ARHGAP44: variants seen among roughly 807,000 people sequenced by gnomAD.
The protein encoded by ARHGAP44 is Rho GTPase activating protein 44.
ARHGAP44 carries 43 observed loss-of-function variants against 106.8 expected under a neutral mutation model. The observed-to-expected ratio is 0.40, with a 90% CI of 0.32 to 0.52. The LOEUF is 0.52. ARHGAP44 is among the 20% of genes least tolerant of loss of function. The pLI, the probability that ARHGAP44 is intolerant of heterozygous loss-of-function variation, is 0.48. For missense variants in ARHGAP44, 866 were observed against 1,050.5 expected, an observed-to-expected ratio of 0.82 and a Z score of 2.43; for synonymous variants, 439 against 410.3, an observed-to-expected ratio of 1.07 and a Z score of -0.85.
chr17:12,922,539 G>A (rs2038113991), intron 6 of ARHGAP44, among the ~76,000 whole-genome samples: 1 of 152,162 alleles, frequency 6.6e-6, no homozygotes, highest in African/African-American at 2.4e-5. Context: ...CTGGGGCTTA[G>A]CTCTGAAGTC....
chr17:12,984,877 T>G lies in ARHGAP44; in HGVS notation c.2286T>G (p.Asp762Glu), dbSNP rs758770603. 1.9e-6 allele frequency: 3 copies of G among 1,613,258 alleles called. No homozygotes were observed. Among genetic ancestry groups the G allele is most frequent in the Non-Finnish European group, 1.7e-6 (2 of 1,179,446 alleles). The change falls in exon 20 of 21, where the codon GAT (aspartate) becomes GAG (glutamate). Residue 762 changes from aspartate to glutamate, a missense_variant. By Grantham distance (45) the Asp-to-Glu change is conservative. Around this residue, in one of 2 missense-constraint regions of ARHGAP44, gnomAD observed 418 missense variants for 403.6 expected, o/e 1.04. Coordinates refer to ENST00000379672, the MANE Select transcript of ARHGAP44 (RefSeq NM_014859.6). ...SPQSTEAPML[D>E]GMSPGESMST... ...AGTCCACGGAGGCCCCCATGCTAGA[T>G]GGCATGTCCCCTGGGGAAAGCATGT...
At chr17:12,974,767 G>C (rs2039632901) in intron 18 of ARHGAP44, among the ~76,000 whole-genome samples, 1 of 152,046 alleles carries the variant, frequency 6.6e-6, no homozygotes, top group Admixed American at 6.6e-5. Flanking sequence ...ATTAGGCACA[G>C]TAGGACATAA....
At chr17:12,957,140 T>C (rs924335668) in intron 15 of ARHGAP44, among the ~76,000 whole-genome samples, 4 of 152,108 alleles carry the variant, frequency 2.6e-5, no homozygotes, top group African/African-American at 9.7e-5. Context: ...GTATTTTTAG[T>C]AGAGACGGGG....
intron 3 of ARHGAP44, among the ~76,000 whole-genome samples, chr17:12,908,069 C>A (rs2037611664): frequency 6.6e-6 from 1 of 151,890 alleles, no homozygotes; most frequent in Non-Finnish European, 1.5e-5. Flanking sequence ...ATTATCTTTT[C>A]ATGTGCTCTT....
At chr17:12,830,828 A>G (rs1237275423) in intron 1 of ARHGAP44, among the ~76,000 whole-genome samples, 1 of 152,192 alleles carries the variant, frequency 6.6e-6, no homozygotes, top group Non-Finnish European at 1.5e-5. Flanking sequence ...TAATTTACAC[A>G]CAAGCTTAGC....
At chr17:12,879,996 T>A (rs1436723302) in intron 1 of ARHGAP44, among the ~76,000 whole-genome samples, 2 of 151,948 alleles carry the variant, frequency 1.3e-5, no homozygotes, top group African/African-American at 4.8e-5. Flanking sequence ...CTGTCTCAGG[T>A]GTGGCAAAGG....
chr17:12,939,027 ACTCT>A (rs747361808), intron 7 of ARHGAP44, among the ~76,000 whole-genome samples: 2 of 151,454 alleles, frequency 1.3e-5, no homozygotes, highest in Non-Finnish European at 2.9e-5. Context: ...GTATCACTTA[ACTCT>A]TTGTTTTTCT....
intron 20 of ARHGAP44, among the ~76,000 whole-genome samples, chr17:12,989,730 A>T (rs1448355303): frequency 6.6e-6 from 1 of 152,172 alleles, no homozygotes; most frequent in East Asian, 1.9e-4. Flanking sequence ...CCTACTCAGC[A>T]TCCTTCTTAT....
chr17:12,873,428 C>T (rs1398903784), intron 1 of ARHGAP44, among the ~76,000 whole-genome samples: 1 of 152,166 alleles, frequency 6.6e-6, no homozygotes, highest in Non-Finnish European at 1.5e-5. Context: ...ATATGAAGAG[C>T]TTTAGGGAGA....
At chr17:12,855,327 A>C (rs1397266382) in intron 1 of ARHGAP44, among the ~76,000 whole-genome samples, 1 of 152,200 alleles carries the variant, frequency 6.6e-6, no homozygotes, top group African/African-American at 2.4e-5. Flanking sequence ...TGTAAGTTGC[A>C]AATATTTTCT....
At chr17:12,802,043 C>G (rs994662951) in intron 1 of ARHGAP44, among the ~76,000 whole-genome samples, 5 of 152,094 alleles carry the variant, frequency 3.3e-5, no homozygotes, top group African/African-American at 1.2e-4. Context: ...TGAGAAATCT[C>G]TTATCTTTAA....
rs575624061 is a variant in ARHGAP44 at position 12,971,802 on chromosome 17, C to T, written c.1524-1500C>T. ...CTGGTGCCTCCTTGAAGCCATCCAG[C>T]GGAGATGAGAAATACCAGCAATCGT... On this transcript the variant is annotated intron_variant, in intron 16 of 20. Transcript: ENST00000379672. Among the ~76,000 whole-genome samples, 18 of 152,224 alleles carry T rather than the reference C, an allele frequency of 1.2e-4. No individual in the cohort carries two copies. In the South Asian group the frequency reaches 2.1e-3, roughly 18 times the overall value.
intron 8 of ARHGAP44, among the ~76,000 whole-genome samples, chr17:12,942,642 G>C (rs76136139): frequency 6.6e-6 from 1 of 152,056 alleles, no homozygotes; most frequent in Non-Finnish European, 1.5e-5. Flanking sequence ...AAAAAAGTTC[G>C]TATTAGTTTT....
intron 13 of ARHGAP44, 57 bp from the exon 14 acceptor site, chr17:12,955,810 G>GC: frequency 9.2e-7 from 1 of 1,086,894 alleles, no homozygotes; most frequent in South Asian, 1.3e-5. Context: ...CCAGTCCCCG[G>GC]GGGACATGGC....
intron 1 of ARHGAP44, among the ~76,000 whole-genome samples, chr17:12,841,634 ACAC>A (rs1486406887): frequency 0.013 from 1,574 of 117,506 alleles, 8 homozygotes; most frequent in South Asian, 0.045. Flanking sequence ...ACACACACAC[ACAC>A]ACAAACAAAC....
chr17:12,903,109 A>AGAG (rs2037426616), intron 3 of ARHGAP44, among the ~76,000 whole-genome samples: 1 of 117,618 alleles, frequency 8.5e-6, no homozygotes, highest in Non-Finnish European at 1.6e-5. Flanking sequence ...AGAGAGAGAG[A>AGAG]GAGAGAGAGA....
At chr17:12,834,800 A>T (rs56343555) in intron 1 of ARHGAP44, among the ~76,000 whole-genome samples, 1 of 152,236 alleles carries the variant, frequency 6.6e-6, no homozygotes, top group African/African-American at 2.4e-5. Flanking sequence ...AAATTTGGAT[A>T]AACAACACAT....
rs1034473253 is a variant in ARHGAP44 at position 12,945,011 on chromosome 17, AT to A, written c.861+826del. ...CACATGTAAAAAATGTCTATGAGAA[AT>A]TTTTTTTTTTCTTTTTGAGATGGAG... On this transcript the variant is annotated intron_variant, in intron 10 of 20. Transcript: ENST00000379672. Among the ~76,000 whole-genome samples the A allele has an allele frequency of 7.3e-4, 108 of 148,072 alleles. 2 individuals are homozygous for A. Among genetic ancestry groups the A allele is most frequent in the African/African-American group, 6.2e-4 (25 of 40,470 alleles).
Position 12,789,698 on chromosome 17 carries a change from G to C in ARHGAP44, c.-141G>C, listed in dbSNP as rs980850901. ...GCGCCCTCGGGAGGGAGCTGCGCGC[G>C]GGCCAGACGGCGCCCGGAGGCTCCG... On this transcript the variant is annotated 5_prime_UTR_variant, in exon 1 of 21. Transcript: ENST00000379672. 1.6e-5 allele frequency: 10 copies of C among 610,316 alleles called. No homozygotes were observed. Among genetic ancestry groups the C allele is most frequent in the Non-Finnish European group, 2.4e-5 (10 of 417,208 alleles). 37.8% of individuals were successfully genotyped at this position (610,316 alleles called of 1,614,324 possible).
Sources: allele counts gnomAD v4.1 joint callset (sites outside exome capture counted in the v4.1 genomes callset), GRCh38; gene constraint gnomAD v4.1.1; regional missense constraint gnomAD v4.1.1; transcripts MANE v1.5; gene names NCBI Gene and HGNC (gene_info 2026-07-23, HGNC 2026-07-21).